STXBP6: variants seen among roughly 807,000 people sequenced by gnomAD.
The protein encoded by STXBP6 is syntaxin binding protein 6, also known as syntaxin-binding protein 6.
STXBP6 carries 21 observed loss-of-function variants against 26.9 expected under a neutral mutation model. That is an observed-to-expected ratio of 0.78 (90% CI 0.55 to 1.12). The LOEUF (loss-of-function observed/expected upper bound fraction) is 1.12, where lower values mean the gene tolerates loss of function less well. STXBP6 is among the 50% of genes most tolerant of loss of function. The probability of loss-of-function intolerance (pLI) is 0.00; values close to 1 mark genes in which losing one functional copy is unlikely to be tolerated. For synonymous variants in STXBP6, 97 were observed against 92.6 expected, an observed-to-expected ratio of 1.05 and a Z score of -0.27; for missense variants, 232 against 257.9, an observed-to-expected ratio of 0.90 and a Z score of 0.69.
intron 2 of STXBP6, among the ~76,000 whole-genome samples, chr14:24,896,112 T>C (rs2139584087): frequency 6.6e-6 from 1 of 152,192 alleles, no homozygotes; most frequent in East Asian, 1.9e-4. Flanking sequence ...ATGAATGTCC[T>C]AGAAAGAGGA....
chr14:24,966,692 C>A (rs1595209984), intron 2 of STXBP6, among the ~76,000 whole-genome samples: 1 of 152,226 alleles, frequency 6.6e-6, no homozygotes, highest in Non-Finnish European at 1.5e-5. Flanking sequence ...CAAGGAAACT[C>A]TAAAAAAATT....
At position 24,981,443 on chromosome 14, in the gene STXBP6, G is replaced by T. The variant is rs1457291188; in HGVS notation, c.-32-6593C>A. Among the ~76,000 whole-genome samples the T allele has an allele frequency of 2.6e-5, 4 of 152,022 alleles. No individual in the cohort carries two copies. In the South Asian group the frequency reaches 8.3e-4, roughly 32 times the overall value. ...ATGTCACCATGCCCGGCTAATTTTT[G>T]TATTTTAGTAGAGATGGGGTTTCAC... is the stretch of plus-strand genomic sequence containing the variant. On this transcript the variant is annotated intron_variant, in intron 1 of 5. Coordinates refer to ENST00000323944, the MANE Select transcript of STXBP6 (RefSeq NM_001394410.1).
intron 2 of STXBP6, among the ~76,000 whole-genome samples, chr14:24,910,537 G>A (rs2071535113): frequency 6.6e-6 from 1 of 152,198 alleles, no homozygotes; most frequent in South Asian, 2.1e-4. Flanking sequence ...TTCTGGGACT[G>A]TCTACCATAA....
At chr14:25,040,448 TCA>T (rs766679136) in intron 1 of STXBP6, among the ~76,000 whole-genome samples, 70 of 152,194 alleles carry the variant, frequency 4.6e-4, no homozygotes, top group Non-Finnish European at 8.7e-4. Context: ...TTTCTCTATC[TCA>T]GTCTTTTCAA....
intron 4 of STXBP6, among the ~76,000 whole-genome samples, chr14:24,828,475 A>C (rs2068354446): frequency 6.6e-6 from 1 of 152,222 alleles, no homozygotes; most frequent in Non-Finnish European, 1.5e-5. Flanking sequence ...TTAATTAGTA[A>C]AAAATATTAA....
At chr14:24,831,827 A>T (rs1490406280) in intron 4 of STXBP6, among the ~76,000 whole-genome samples, 1 of 152,120 alleles carries the variant, frequency 6.6e-6, no homozygotes, top group Non-Finnish European at 1.5e-5. Flanking sequence ...AAATAAACTC[A>T]CACCCCCATT....
In STXBP6 at chr14:24,812,648, A is replaced by G; in HGVS notation, c.*61T>C. ...GCAAGCGGAGGTCCCGAATTCTTGT[A>G]AAAACTGCTGAACAAACTCTTCAGT... On this transcript the variant is annotated 3_prime_UTR_variant, in exon 6 of 6. Transcript: ENST00000323944. The G allele has an allele frequency of 6.4e-7, 1 of 1,569,580 alleles. No homozygotes were observed. The highest frequency in any genetic ancestry group is 1.1e-5 in the South Asian group (1 of 89,714).
rs988942525 is a variant in STXBP6 at position 24,894,558 on chromosome 14, A to G, written c.155-37401T>C. ...CTTAATGCTGATGAGAAGAGCCCTA[A>G]GCAGATTCCATATCCCCCAATCCAT... On this transcript the variant is annotated intron_variant, in intron 2 of 5. Coordinates refer to ENST00000323944, the MANE Select transcript of STXBP6 (RefSeq NM_001394410.1). Among the ~76,000 whole-genome samples the G allele has an allele frequency of 4.6e-5, 7 of 152,188 alleles. 2 individuals are homozygous for G. Among genetic ancestry groups the G allele is most frequent in the Admixed American group, 3.9e-4 (6 of 15,278 alleles).
intron 1 of STXBP6, among the ~76,000 whole-genome samples, chr14:24,998,920 G>A (rs1388627755): frequency 1.3e-5 from 2 of 152,138 alleles, no homozygotes; most frequent in African/African-American, 4.8e-5. Context: ...CTATTCTTAT[G>A]GGAGAAAATA....
chr14:24,843,212 C>G (rs12894282), intron 4 of STXBP6, among the ~76,000 whole-genome samples: 20,993 of 152,102 alleles, frequency 0.14, 1,891 homozygotes, highest in Non-Finnish European at 0.21. Context: ...TAAAAAATTG[C>G]CTGGTATATA....
intron 4 of STXBP6, among the ~76,000 whole-genome samples, chr14:24,823,972 T>C (rs144890337): frequency 0.011 from 1,633 of 152,274 alleles, 30 homozygotes; most frequent in African/African-American, 0.037. Context: ...TAGGCTCTAT[T>C]CTATTCTCAT....
At chr14:24,910,971 A>G (rs1172331991) in intron 2 of STXBP6, among the ~76,000 whole-genome samples, 3 of 152,290 alleles carry the variant, frequency 2.0e-5, no homozygotes, top group Admixed American at 2.0e-4. Context: ...GAGAGAAGGA[A>G]GAAATCTAGC....
At chr14:25,000,368 T>TC (rs1332142992) in intron 1 of STXBP6, among the ~76,000 whole-genome samples, 3 of 151,762 alleles carry the variant, frequency 2.0e-5, no homozygotes, top group Non-Finnish European at 1.5e-5. Flanking sequence ...TGGCCTTTTT[T>TC]TTTTTTTGAA....
At chr14:24,976,965 C>T (rs1214160168) in intron 1 of STXBP6, among the ~76,000 whole-genome samples, 2 of 144,232 alleles carry the variant, frequency 1.4e-5, no homozygotes, top group Non-Finnish European at 3.0e-5. Context: ...CCGGTTCAAT[C>T]GATTCTACTG....
In STXBP6 at chr14:25,002,392, C is replaced by T. The variant is rs184103135; in HGVS notation, c.-32-27542G>A. Among the ~76,000 whole-genome samples, 933 of 121,236 alleles carry T rather than the reference C, an allele frequency of 7.7e-3. 8 individuals are homozygous for T. The highest frequency in any genetic ancestry group is 0.034 in the African/African-American group (888 of 26,434). The allele number at this position is 121,236 out of a possible 152,430, so 79.5% of individuals were successfully genotyped here. A position where few individuals can be genotyped will look rare whatever the true frequency, so the allele number is the denominator to read the frequency against. Reference sequence around the variant, plus strand: ...TTTTTTTTTTTGAGACACAGTCTCGCTCTGTCGCCCAGGCTGGAGTGCAGT... The same window carrying T: ...TTTTTTTTTTTGAGACACAGTCTCGTTCTGTCGCCCAGGCTGGAGTGCAGT... On this transcript the variant is annotated intron_variant, in intron 1 of 5. Transcript: ENST00000323944.
At chr14:24,975,330 A>C (rs573922580) in intron 1 of STXBP6, among the ~76,000 whole-genome samples, 1 of 152,332 alleles carries the variant, frequency 6.6e-6, no homozygotes, top group South Asian at 2.1e-4. Flanking sequence ...AATGGAAATA[A>C]TTATATCATC....
At chr14:25,024,184 C>T (rs1211511849) in intron 1 of STXBP6, among the ~76,000 whole-genome samples, 2 of 152,098 alleles carry the variant, frequency 1.3e-5, no homozygotes, top group African/African-American at 2.4e-5. Flanking sequence ...TGGCACACGC[C>T]TGTAGTCCCA....
rs1003761855 is a variant in STXBP6, at chr14:24,909,877, C to T, written c.155-52720G>A. Reference sequence around the variant, plus strand: ...ATCATACCTGGTAAGTACAATGCTCCGGAATCTAGGAGATATGCTAGACCT... The same window carrying T: ...ATCATACCTGGTAAGTACAATGCTCTGGAATCTAGGAGATATGCTAGACCT... On this transcript the variant is annotated intron_variant, in intron 2 of 5. Transcript: ENST00000323944. Among the ~76,000 whole-genome samples the T allele has an allele frequency of 8.6e-5, 13 of 151,580 alleles. No homozygotes were observed. The East Asian group carries it at 9.9e-4, about 12-fold the overall frequency.
intron 1 of STXBP6, among the ~76,000 whole-genome samples, chr14:24,997,976 C>T (rs1446514733): frequency 5.3e-5 from 8 of 152,172 alleles, no homozygotes; most frequent in Non-Finnish European, 1.2e-4. Flanking sequence ...GATATTCACA[C>T]TCTTTCCAAT....
Sources: gnomAD v4.1 joint callset for allele counts (sites outside exome capture counted in the v4.1 genomes callset) on GRCh38, gnomAD v4.1.1 for gene constraint, MANE v1.5 for transcripts, NCBI Gene and HGNC (gene_info 2026-07-23, HGNC 2026-07-21) for gene names.